The following PLCB2 variants were observed in gnomAD, a reference collection of about 807,000 sequenced individuals.
PLCB2 encodes phospholipase C beta 2.
In PLCB2, 115 loss-of-function variants were observed where a neutral mutation model predicts 141.7. The observed-to-expected ratio is 0.81, with a 90% CI of 0.70 to 0.95. The LOEUF (loss-of-function observed/expected upper bound fraction) is 0.95, where lower values mean the gene tolerates loss of function less well. PLCB2 is among the 40% of genes least tolerant of loss of function. The pLI, the probability that PLCB2 is intolerant of heterozygous loss-of-function variation, is 0.00. For missense variants in PLCB2, 1,403 were observed against 1,541.1 expected, an observed-to-expected ratio of 0.91 and a Z score of 1.50; for synonymous variants, 603 against 595.6, an observed-to-expected ratio of 1.01 and a Z score of -0.18.
Position 40,290,780 on chromosome 15 carries a change from G to A in PLCB2, c.3094C>T (p.Leu1032=), listed in dbSNP as rs1196396041. The change falls in exon 28 of 32, where the codon CTG becomes TTG. Residue 1032 remains leucine (L), a synonymous_variant. Coordinates refer to ENST00000260402, the MANE Select transcript of PLCB2 (RefSeq NM_004573.3). ...REKQAAELKA[L]KETSENDTKE... is the part of the protein sequence containing the mutation. ...TCGTACTTCTCCGACGTCTCCTTCAGGGCCTTCAGCTCTGCCGCCTGTTTC... is the reference window on the plus strand; with the variant it reads ...TCGTACTTCTCCGACGTCTCCTTCAAGGCCTTCAGCTCTGCCGCCTGTTTC... The A allele has an allele frequency of 1.2e-6, 2 of 1,613,886 alleles. No individual in the cohort carries two copies. The highest frequency in any genetic ancestry group is 1.7e-6 in the Non-Finnish European group (2 of 1,179,968).
At chr15:40,294,798 C>A in intron 18 of PLCB2, 138 bp downstream of exon 18, 1 of 1,058,710 alleles carries the variant, frequency 9.4e-7, no homozygotes, top group South Asian at 1.5e-5. Context: ...CCCCCAAATT[C>A]TCACGCACCT....
At chr15:40,307,044 A>G (rs1005144588) in intron 1 of PLCB2, among the ~76,000 whole-genome samples, 1 of 152,250 alleles carries the variant, frequency 6.6e-6, no homozygotes, top group Non-Finnish European at 1.5e-5. Context: ...GCAGAAGTCA[A>G]ATCAGCTCCT....
chr15:40,290,748 G>C lies in PLCB2; in HGVS notation c.3113+13C>G. 6.2e-7 allele frequency: 1 copy of C among 1,613,396 alleles called. No homozygotes were observed. The highest frequency in any genetic ancestry group is 8.5e-7 in the Non-Finnish European group (1 of 1,179,494). On this transcript the variant is annotated intron_variant, in intron 28 of 31. Transcript: ENST00000260402. The stretch of plus-strand genomic sequence containing the variant: ...TGGGAGGCGAAGCAGGTGTGGGAGG[G>C]AGGCAGTCGTACTTCTCCGACGTCT...
At chr15:40,285,983 A>T (rs1422360989), downstream of PLCB2, 3 of 985,656 alleles carry the variant, frequency 3.0e-6, no homozygotes, top group Non-Finnish European at 2.4e-6. Flanking sequence ...CTTTGGAAGG[A>T]GCAGTTGGTT....
Position 40,291,602 on chromosome 15 carries a change from T to C in PLCB2, c.2647+4A>G. 3 of 1,613,154 alleles carry C rather than the reference T, an allele frequency of 1.9e-6. No homozygotes were observed. The highest frequency in any genetic ancestry group is 2.5e-6 in the Non-Finnish European group (3 of 1,179,842). ...CCGAGATCACCGGGCTCAGCAGGCC[T>C]TACCCGCAGCTTCTTTCATAGCCTC... On this transcript the variant is annotated splice_donor_region_variant and intron_variant, in intron 25 of 31. Coordinates refer to ENST00000260402, the MANE Select transcript of PLCB2 (RefSeq NM_004573.3).
chr15:40,286,643 A>C (rs1595617828), downstream of PLCB2, among the ~76,000 whole-genome samples: 1 of 152,184 alleles, frequency 6.6e-6, no homozygotes, highest in East Asian at 1.9e-4. Flanking sequence ...GATGGAACCC[A>C]GGTGTCCTTC....
At chr15:40,296,243 G>T in intron 16 of PLCB2, 53 bp downstream of exon 16, 1 of 1,384,734 alleles carries the variant, frequency 7.2e-7, no homozygotes, top group African/African-American at 1.4e-5. Context: ...GTCCAAGGAA[G>T]GGGGAGATCC....
Position 40,298,710 on chromosome 15 carries a change from T to TG in PLCB2, c.851-3dup, listed in dbSNP as rs2040360023. 6.2e-7 allele frequency: 1 copy of TG among 1,614,020 alleles called. No homozygotes were observed. Among genetic ancestry groups the TG allele is most frequent in the Non-Finnish European group, 8.5e-7 (1 of 1,179,924 alleles). On this transcript the variant is annotated splice_polypyrimidine_tract_variant and splice_region_variant and intron_variant, in intron 9 of 31. Transcript: ENST00000260402. ...CCATGCCTTCAGGTGACAGCTGGCC[T>TG]GGGGGACAGGAGATAGCTGTCAGGC...
intron 1 of PLCB2, among the ~76,000 whole-genome samples, chr15:40,306,859 G>T (rs1458960881): frequency 1.3e-5 from 2 of 152,242 alleles, no homozygotes; most frequent in Admixed American, 6.5e-5. Context: ...CAGCCTAAGA[G>T]AATCCCTGGC....
In PLCB2 at chr15:40,307,822, G is replaced by C; in HGVS notation, c.-150C>G. The C allele has an allele frequency of 1.7e-6, 1 of 577,412 alleles. No homozygotes were observed. The highest frequency in any genetic ancestry group is 2.6e-5 in the South Asian group (1 of 38,596). The allele number at this position is 577,412 out of a possible 1,614,324, so 35.8% of individuals were successfully genotyped here. ...AAATCTAGTTGCTCTTATAGCCCCT[G>C]GGGTGGCCCTGGCTGAGTGCAGGAC... is the stretch of plus-strand genomic sequence containing the variant. On this transcript the variant is annotated 5_prime_UTR_variant, in exon 1 of 32. Transcript: ENST00000260402.
In PLCB2 at chr15:40,299,009, G is replaced by C. The variant is rs114975130; in HGVS notation, c.684-45C>G. ...GCACAGGTCCATATCCCTTGGGCCTGGAGGCTTAGACAACCCCCTTGTCCA... is the reference window on the plus strand; with the variant it reads ...GCACAGGTCCATATCCCTTGGGCCTCGAGGCTTAGACAACCCCCTTGTCCA... On this transcript the variant is annotated intron_variant, in intron 8 of 31. Coordinates refer to ENST00000260402, the MANE Select transcript of PLCB2 (RefSeq NM_004573.3). 3 of 1,592,584 alleles carry C rather than the reference G, an allele frequency of 1.9e-6. No individual in the cohort carries two copies. In the East Asian group the frequency reaches 6.7e-5, roughly 36 times the overall value.
chr15:40,294,463 GGCTGTGC>G (rs760205940), intron 18 of PLCB2, 43 bp from the exon 19 acceptor site: 6 of 1,607,148 alleles, frequency 3.7e-6, no homozygotes, highest in Non-Finnish European at 4.3e-6. Flanking sequence ...CCAGCCCTGG[GGCTGTGC>G]CCAGTCTCCA....
At position 40,291,245 on chromosome 15, in the gene PLCB2, G is replaced by A. The variant is rs768507402; in HGVS notation, c.2870+20C>T. 1.9e-6 allele frequency: 3 copies of A among 1,573,710 alleles called. No individual in the cohort carries two copies. The highest frequency in any genetic ancestry group is 1.7e-6 in the Non-Finnish European group (2 of 1,168,262). The stretch of plus-strand genomic sequence containing the variant: ...GCGCCACCCGCGCTGCAGAGGGCAG[G>A]GCACCGCCACGAGCCTTACCTCTTC... On this transcript the variant is annotated intron_variant, in intron 26 of 31. Coordinates refer to ENST00000260402, the MANE Select transcript of PLCB2 (RefSeq NM_004573.3).
In PLCB2 at chr15:40,290,741, TG is replaced by T; in HGVS notation, c.3113+19del. On this transcript the variant is annotated intron_variant, in intron 28 of 31. Transcript: ENST00000260402. The stretch of plus-strand genomic sequence containing the variant: ...CCCTTGCTGGGAGGCGAAGCAGGTG[TG>T]GGAGGGAGGCAGTCGTACTTCTCCG... The T allele has an allele frequency of 6.2e-7, 1 of 1,612,794 alleles. No individual in the cohort carries two copies. Among genetic ancestry groups the T allele is most frequent in the Non-Finnish European group, 8.5e-7 (1 of 1,178,994 alleles).
Position 40,302,183 on chromosome 15 carries a change from C to T in PLCB2, c.459G>A (p.Val153=). 6.2e-7 allele frequency: 1 copy of T among 1,612,664 alleles called. No individual in the cohort carries two copies. Among genetic ancestry groups the T allele is most frequent in the Non-Finnish European group, 8.5e-7 (1 of 1,179,062 alleles). Residue 153 remains valine (V), a synonymous_variant, in exon 6 of 32, where the codon GTG becomes GTA. Coordinates refer to ENST00000260402, the MANE Select transcript of PLCB2 (RefSeq NM_004573.3). The part of the protein sequence containing the change: ...SRSTFLDKIL[V]KLKMQLNSEG... ...CAGAGTTGAGCTGCATCTTGAGCTT[C>T]ACAAGGCTGGGGGCAGAAAGCAGCC...
intron 16 of PLCB2, 48 bp downstream of exon 16, chr15:40,296,248 A>G (rs758354729): frequency 1.2e-5 from 17 of 1,408,408 alleles, no homozygotes; most frequent in Non-Finnish European, 1.4e-5. Flanking sequence ...AGGAAGGGGG[A>G]GATCCCCCTT....
rs1456659916 is a variant in PLCB2 at position 40,297,249 on chromosome 15, A to G, written c.1323+272T>C. On this transcript the variant is annotated intron_variant, in intron 13 of 31. Transcript: ENST00000260402. This position sits in a 1 kb window ranked among gnomAD's most constrained non-coding sequence, Gnocchi z 4.2. ...AGATCAGAACTCCCCAGGTGCTCCC[A>G]TAACAACCACTGGATTGTAATGGCC... is the stretch of plus-strand genomic sequence containing the variant. 6.6e-6 allele frequency among the ~76,000 whole-genome samples: 1 copy of G among 152,112 alleles called. No homozygotes were observed. Among genetic ancestry groups the G allele is most frequent in the Non-Finnish European group, 1.5e-5 (1 of 68,012 alleles).
At position 40,296,626 on chromosome 15, in the gene PLCB2, C is replaced by G. The variant is rs1336185485; in HGVS notation, c.1495G>C (p.Gly499Arg). ...TCCTCCAGCTCAGTCCCTTCCTCGC[C>G]AGCCCACACTGCCACATACAGCTCT... is the stretch of plus-strand genomic sequence containing the variant. ...APAGEGTVWA[G>R]EEGTELEEEE... The change falls in exon 15 of 32, where the codon GGC becomes CGC. Residue 499 changes from glycine (G) to arginine (R), a missense_variant. Transcript: ENST00000260402. The G allele has an allele frequency of 6.2e-7, 1 of 1,613,206 alleles. No homozygotes were observed. Among genetic ancestry groups the G allele is most frequent in the Non-Finnish European group, 8.5e-7 (1 of 1,179,772 alleles).
Position 40,291,432 on chromosome 15 carries a change from C to T in PLCB2, c.2703G>A (p.Leu901=), listed in dbSNP as rs2039917189. 6.5e-7 allele frequency: 1 copy of T among 1,543,910 alleles called. No homozygotes were observed. Residue 901 remains leucine (L), a synonymous_variant, in exon 26 of 32, where the codon CTG becomes CTA. Transcript: ENST00000260402. ...ELRELKGVVK[L]QRRHEKELRE... ...GCAGCTCCTTCTCGTGCCGCCGCTGCAGCTTCACCACGCCCTTTAGCTCCC... is the reference window on the plus strand; with the variant it reads ...GCAGCTCCTTCTCGTGCCGCCGCTGTAGCTTCACCACGCCCTTTAGCTCCC...
Sources: gnomAD v4.1 joint callset for allele counts (sites outside exome capture counted in the v4.1 genomes callset) on GRCh38, gnomAD v4.1.1 for gene constraint, Gnocchi (gnomAD v3.1) non-coding constraint, MANE v1.5 for transcripts, NCBI Gene and HGNC (gene_info 2026-07-23, HGNC 2026-07-21) for gene names.